The following ABCB7 variants were observed in gnomAD, a reference collection of about 807,000 sequenced individuals.
ABCB7 encodes the protein ATP binding cassette subfamily B member 7, also known as iron-sulfur clusters transporter ABCB7, mitochondrial.
A neutral mutation model predicts 54.4 loss-of-function variants in ABCB7; 7 were observed. That is an observed-to-expected ratio of 0.13 (90% CI 0.07 to 0.24). The LOEUF is 0.24. ABCB7 is among the 10% of genes least tolerant of loss of function. The probability of loss-of-function intolerance (pLI) is 1.00; values close to 1 mark genes in which losing one functional copy is unlikely to be tolerated. For missense variants in ABCB7, 356 were observed against 570.4 expected (o/e 0.62, Z 3.83); for synonymous variants, 218 against 207.1 (o/e 1.05, Z -0.45).
chrX:75,125,869 AC>A (rs751786228), intron 1 of ABCB7, among the ~76,000 whole-genome samples: 4 of 109,865 alleles, frequency 3.6e-5, no homozygotes, highest in South Asian at 7.9e-4. Context: ...AGATACACAC[AC>A]AAAAAATGCC....
chrX:75,122,978 G>C (rs1173832156), intron 1 of ABCB7, among the ~76,000 whole-genome samples: 3 of 108,765 alleles, frequency 2.8e-5, no homozygotes, highest in Non-Finnish European at 5.7e-5. Context: ...CCATTCCATG[G>C]GTTGCTTTAT....
At chrX:75,064,740 G>A (rs778765443) in intron 13 of ABCB7, among the ~76,000 whole-genome samples, 4 of 110,897 alleles carry the variant, frequency 3.6e-5, no homozygotes, top group African/African-American at 6.6e-5. Flanking sequence ...ACTTTCCCAG[G>A]TAAAGAACGA....
At chrX:75,100,239 C>A (rs1402648690) in intron 3 of ABCB7, among the ~76,000 whole-genome samples, 1 of 110,755 alleles carries the variant, frequency 9.0e-6, no homozygotes, top group Non-Finnish European at 1.9e-5. Flanking sequence ...GATCTCCCTG[C>A]ATCTACTTTG....
At chrX:75,104,047 G>GTTGTTTTTTTTTTTTTTTTTT (rs2081663492) in intron 3 of ABCB7, among the ~76,000 whole-genome samples, 1 of 13,443 alleles carries the variant, frequency 7.4e-5, no homozygotes, top group Non-Finnish European at 1.7e-4. Context: ...TCTTGTTACA[G>GTTGTTTTTTTTTTTTTTTTTT]TTTTTTTTTT....
Position 75,053,127 on chromosome X carries a change from A to G in ABCB7, c.*243T>C. On this transcript the variant is annotated 3_prime_UTR_variant, in exon 16 of 16. Transcript: ENST00000373394. ...AGAGGGTAATGTGGTAATATCAAAC[A>G]GGTAGCAAAAAGTATGCATTGAGCA... The G allele has an allele frequency of 4.9e-6, 2 of 411,916 alleles. No homozygotes were observed. The highest frequency in any genetic ancestry group is 2.5e-5 in the African/African-American group (1 of 40,607). 33.9% of individuals were successfully genotyped at this position (411,916 alleles called of 1,213,427 possible). A position where few individuals can be genotyped will look rare whatever the true frequency, so the allele number is the denominator to read the frequency against.
At chrX:75,059,639 A>T (rs781673969) in intron 15 of ABCB7, among the ~76,000 whole-genome samples, 7 of 110,733 alleles carry the variant, frequency 6.3e-5, no homozygotes, top group Non-Finnish European at 1.3e-4. Context: ...AGAAAAGAAA[A>T]ATTATTGCAA....
In ABCB7 at chrX:75,076,781, ATTTTCC is replaced by A. The variant is rs2081414339; in HGVS notation, c.454-133_454-128del. ...TTTACCACTTACTGGTATTAGAGTGATTTTCCCCATTCATAAAGACAACATCTTTGA... is the reference window on the plus strand; with the variant it reads ...TTTACCACTTACTGGTATTAGAGTGACCATTCATAAAGACAACATCTTTGA... On this transcript the variant is annotated intron_variant, in intron 4 of 15. Transcript: ENST00000373394. 3.8e-6 allele frequency: 3 copies of A among 781,508 alleles called. No homozygotes were observed. In the Admixed American group the frequency reaches 8.5e-5, roughly 22 times the overall value. 64.4% of individuals were successfully genotyped at this position (781,508 alleles called of 1,213,427 possible).
At chrX:75,126,024 T>A (rs756637920) in intron 1 of ABCB7, among the ~76,000 whole-genome samples, 1 of 111,681 alleles carries the variant, frequency 9.0e-6, no homozygotes, top group African/African-American at 3.2e-5. Flanking sequence ...ATAGCTAGAA[T>A]ACTTGTTTTC....
chrX:75,068,791 C>G (rs2081341628), intron 12 of ABCB7, among the ~76,000 whole-genome samples: 1 of 111,940 alleles, frequency 8.9e-6, no homozygotes, highest in South Asian at 3.7e-4. Context: ...TTCTATTATG[C>G]TATCATTCCA....
At chrX:75,086,692 T>C (rs745835104) in intron 4 of ABCB7, among the ~76,000 whole-genome samples, 188 of 111,800 alleles carry the variant, frequency 1.7e-3, no homozygotes, top group Non-Finnish European at 3.0e-3. Context: ...AGAGATCTGA[T>C]TAGCAAGGCA....
chrX:75,145,760 T>C (rs992543804), intron 1 of ABCB7, among the ~76,000 whole-genome samples: 3 of 110,583 alleles, frequency 2.7e-5, no homozygotes. Context: ...GAGAAAGAAA[T>C]ACAGGGCATC....
intron 14 of ABCB7, 65 bp downstream of exon 14, chrX:75,062,263 T>G: frequency 2.0e-6 from 2 of 1,003,934 alleles, no homozygotes; most frequent in Non-Finnish European, 2.8e-6. Flanking sequence ...ATGCAGCCAT[T>G]TTACTGAAAC....
intron 1 of ABCB7, among the ~76,000 whole-genome samples, chrX:75,144,849 C>T (rs1353726628): frequency 4.5e-5 from 5 of 110,897 alleles, no homozygotes; most frequent in East Asian, 2.8e-4. Flanking sequence ...CTCCCAATTC[C>T]GCAATGAAGT....
chrX:75,052,817 A>AACAAG lies in ABCB7; in HGVS notation c.*552_*553insCTTGT, dbSNP rs2081205756. 9.2e-6 allele frequency: 1 copy of AACAAG among 109,267 alleles called. No homozygotes were observed. Among genetic ancestry groups the AACAAG allele is most frequent in the African/African-American group, 3.4e-5 (1 of 29,229 alleles). 9.0% of individuals were successfully genotyped at this position (109,267 alleles called of 1,213,427 possible). A position where few individuals can be genotyped will look rare whatever the true frequency, so the allele number is the denominator to read the frequency against. ...ACAAAAAACAAAAAACAACAAAACA[A>AACAAG]AAAAGAAAAAAGTAAGTAACCTATC... On this transcript the variant is annotated 3_prime_UTR_variant, in exon 16 of 16. Coordinates refer to ENST00000373394, the MANE Select transcript of ABCB7 (RefSeq NM_001271696.3).
intron 4 of ABCB7, among the ~76,000 whole-genome samples, chrX:75,082,696 G>A (rs1441041721): frequency 9.0e-6 from 1 of 111,329 alleles, no homozygotes; most frequent in African/African-American, 3.3e-5. Context: ...AAAGGGGGAA[G>A]GTAAGGGAAC....
At chrX:75,063,380 AT>A (rs1181344086) in intron 13 of ABCB7, among the ~76,000 whole-genome samples, 13 of 110,541 alleles carry the variant, frequency 1.2e-4, no homozygotes, top group African/African-American at 4.3e-4. Context: ...TGAAAAACAT[AT>A]TTTTCAGCTT....
chrX:75,057,220 A>G, intron 15 of ABCB7, among the ~76,000 whole-genome samples: 1 of 111,375 alleles, frequency 9.0e-6, no homozygotes, highest in East Asian at 2.8e-4. Flanking sequence ...TTTAGTTTCT[A>G]GTTTATCCTT....
At chrX:75,080,888 G>A (rs1370192666) in intron 4 of ABCB7, among the ~76,000 whole-genome samples, 2 of 111,403 alleles carry the variant, frequency 1.8e-5, no homozygotes. Context: ...TAAGGCCTTT[G>A]TTGGATATGT....
At chrX:75,121,622 A>G (rs1433555581) in intron 1 of ABCB7, among the ~76,000 whole-genome samples, 1 of 111,845 alleles carries the variant, frequency 8.9e-6, no homozygotes, top group Non-Finnish European at 1.9e-5. Context: ...TATTCTGGAC[A>G]CACCAGAATC....
Sources: allele counts gnomAD v4.1 joint callset (sites outside exome capture counted in the v4.1 genomes callset), GRCh38; gene constraint gnomAD v4.1.1; transcripts MANE v1.5; gene names NCBI Gene and HGNC (gene_info 2026-07-23, HGNC 2026-07-21).